Variants in ANO1 observed in about 807,000 individuals in gnomAD.
The protein encoded by ANO1 is anoctamin 1.
ANO1 carries 59 observed loss-of-function variants against 124.0 expected under a neutral mutation model. The observed-to-expected ratio is 0.48, with a 90% CI of 0.39 to 0.59. ANO1 has a LOEUF of 0.59. Ranked by LOEUF, ANO1 falls within the 20% of genes least tolerant of loss-of-function variation. The pLI is 0.00. For missense variants in ANO1, 1,059 were observed against 1,328.0 expected (o/e 0.80, Z 3.15); for synonymous variants, 529 against 532.0 (o/e 0.99, Z 0.08).
rs1387429926 is a variant in ANO1 at position 70,046,028 on chromosome 11, G to A, written c.59-32514G>A. On this transcript the variant is annotated intron_variant, in intron 1 of 27. Transcript: ENST00000531349. ...TGGAGCTCAGTCCCCAGATCACTGG[G>A]ACTCTGTCCTTGAGTCTGGCCATGA... is the stretch of plus-strand genomic sequence containing the variant. Among the ~76,000 whole-genome samples, 5 of 152,278 alleles carry A rather than the reference G, an allele frequency of 3.3e-5. No individual in the cohort carries two copies. The East Asian group carries it at 9.7e-4, about 29-fold the overall frequency.
chr11:70,001,979 A>AATTACAC (rs1856390684), intron 1 of ANO1, among the ~76,000 whole-genome samples: 1 of 151,970 alleles, frequency 6.6e-6, no homozygotes, highest in African/African-American at 2.4e-5. Context: ...GGAGTGTTTA[A>AATTACAC]ATTACAGCCA....
Position 70,161,716 on chromosome 11 carries a change from G to T in ANO1, c.1875G>T (p.Val625=), listed in dbSNP as rs750500940. ...FVNSYTPIFY[V]AFFKGRFVGR... ...ATTCCTACACCCCCATCTTTTACGT[G>T]GCGTTCTTCAAAGGCCGGTAGGGAC... Residue 625 remains valine, a synonymous_variant, in exon 18 of 26, where the codon GTG becomes GTT. Coordinates refer to ENST00000355303, the MANE Select transcript of ANO1 (RefSeq NM_018043.7). The T allele has an allele frequency of 1.2e-6, 2 of 1,614,024 alleles. No homozygotes were observed. Among genetic ancestry groups the T allele is most frequent in the South Asian group, 2.2e-5 (2 of 91,082 alleles).
chr11:70,147,106 G>A (rs981268055), intron 11 of ANO1, among the ~76,000 whole-genome samples: 11 of 152,086 alleles, frequency 7.2e-5, no homozygotes, highest in Admixed American at 1.3e-4. Flanking sequence ...GCAGGTGTGC[G>A]TGGAGCAGCC....
chr11:70,068,201 C>A (rs117198715), intron 1 of ANO1, among the ~76,000 whole-genome samples: 2,162 of 152,304 alleles, frequency 0.014, 31 homozygotes, highest in Non-Finnish European at 0.022. Context: ...TCCATCCTTG[C>A]CCCTAGGGAG....
intron 3 of ANO1, 100 bp downstream of exon 3, chr11:70,103,264 TA>T (rs113704420): frequency 1.0e-3 from 817 of 820,010 alleles, no homozygotes; most frequent in Non-Finnish European, 1.1e-3. Flanking sequence ...CTGAGTTTTA[TA>T]AAAAAAAAAC....
At chr11:70,067,871 A>G (rs1857770933) in intron 1 of ANO1, among the ~76,000 whole-genome samples, 1 of 152,226 alleles carries the variant, frequency 6.6e-6, no homozygotes, top group South Asian at 2.1e-4. Flanking sequence ...GGAATTGACC[A>G]TGACCTTTCC....
At chr11:70,042,756 AC>A (rs1555005207) in intron 1 of ANO1, among the ~76,000 whole-genome samples, 3 of 152,344 alleles carry the variant, frequency 2.0e-5, no homozygotes, top group African/African-American at 7.2e-5. Context: ...ACAGGGCATC[AC>A]TGAGCAGGAT....
chr11:69,985,486 G>C (rs1185339917), upstream of ANO1, among the ~76,000 whole-genome samples: 2 of 152,180 alleles, frequency 1.3e-5, no homozygotes, highest in African/African-American at 2.4e-5. Context: ...CTGCCGCCTG[G>C]GGGAGGGGGC....
intron 2 of ANO1, among the ~76,000 whole-genome samples, chr11:70,088,551 A>G (rs1304457839): frequency 2.0e-5 from 3 of 150,912 alleles, no homozygotes; most frequent in Non-Finnish European, 2.9e-5. Flanking sequence ...AGGGCAGCAG[A>G]CAAAAACACT....
chr11:70,097,192 G>A (rs758449393), intron 2 of ANO1, among the ~76,000 whole-genome samples: 49 of 152,200 alleles, frequency 3.2e-4, no homozygotes, highest in Non-Finnish European at 4.1e-4. Context: ...GGCAAGGGCT[G>A]GGATTAAAGA....
rs1416040589 is a variant in ANO1 at position 70,006,632 on chromosome 11, CT to C, written c.58+20470del. 1.2e-3 allele frequency among the ~76,000 whole-genome samples: 149 copies of C among 122,824 alleles called. 1 individual carries two copies. The highest frequency in any genetic ancestry group is 4.0e-3 in the African/African-American group (132 of 33,204). The allele number at this position is 122,824 out of a possible 152,430, so 80.6% of individuals were successfully genotyped here. A position where few individuals can be genotyped will look rare whatever the true frequency, so the allele number is the denominator to read the frequency against. On this transcript the variant is annotated intron_variant, in intron 1 of 27. Coordinates refer to the ANO1 transcript ENST00000531349. ...CTTTCTCTTTCTTTCTTTCTTCTTTCTTTTCTTTCTTCTTTCTTTCTTTCTT... is the reference window on the plus strand; with the variant it reads ...CTTTCTCTTTCTTTCTTTCTTCTTTCTTTCTTTCTTCTTTCTTTCTTTCTT...
At chr11:70,111,221 A>G in intron 6 of ANO1, 1 of 459,176 alleles carries the variant, frequency 2.2e-6, no homozygotes, top group Non-Finnish European at 4.4e-6. Flanking sequence ...GGCTTTCCCA[A>G]TCAACCTAAA....
intron 1 of ANO1, among the ~76,000 whole-genome samples, chr11:70,026,441 G>C (rs1402071318): frequency 2.0e-5 from 3 of 151,350 alleles, no homozygotes; most frequent in African/African-American, 7.3e-5. Context: ...GATGGTGGTG[G>C]TGGTGATGAC....
intron 22 of ANO1, among the ~76,000 whole-genome samples, chr11:70,172,020 T>A (rs1223159425): frequency 1.3e-5 from 2 of 149,002 alleles, no homozygotes; most frequent in Non-Finnish European, 3.0e-5. Flanking sequence ...CTTGGGAGGC[T>A]GAGGCAGGAG....
At chr11:69,976,571 T>A in the ANO1 span, among the ~76,000 whole-genome samples, 9 of 116,110 alleles carry the variant, frequency 7.8e-5, no homozygotes, top group East Asian at 2.5e-4. Flanking sequence ...GAGAGAGAGA[T>A]TAGGACACAC....
chr11:69,969,995 A>G, the ANO1 span, among the ~76,000 whole-genome samples: 7 of 152,278 alleles, frequency 4.6e-5, no homozygotes, highest in Non-Finnish European at 8.8e-5. Flanking sequence ...ATGCAGGAGC[A>G]TGGCCAGGAT....
chr11:70,073,374 G>T (rs1370870752), upstream of ANO1, among the ~76,000 whole-genome samples: 1 of 152,186 alleles, frequency 6.6e-6, no homozygotes, highest in Admixed American at 6.5e-5. Flanking sequence ...GGGTGCGTCC[G>T]TCCGTGTGAA....
At chr11:70,038,222 G>C (rs560564647) in intron 1 of ANO1, among the ~76,000 whole-genome samples, 47 of 152,300 alleles carry the variant, frequency 3.1e-4, no homozygotes, top group African/African-American at 8.2e-4. Flanking sequence ...AGACCATAGT[G>C]CATGCCATTC....
chr11:70,103,788 G>A (rs1014063408), intron 3 of ANO1, among the ~76,000 whole-genome samples: 5 of 152,176 alleles, frequency 3.3e-5, no homozygotes, highest in Admixed American at 2.6e-4. Flanking sequence ...GGAATGCATT[G>A]TAATTGTGCT....
Sources: allele counts gnomAD v4.1 joint callset (sites outside exome capture counted in the v4.1 genomes callset), GRCh38; gene constraint gnomAD v4.1.1; transcripts MANE v1.5; gene names NCBI Gene and HGNC (gene_info 2026-07-23, HGNC 2026-07-21).